Variants in PALLD observed in about 807,000 individuals in gnomAD.
The protein encoded by PALLD is palladin, cytoskeletal associated protein.
Under a neutral mutation model 123.5 loss-of-function variants are expected in PALLD, and 61 were observed. The ratio of observed to expected loss-of-function variants is 0.49; its 90% CI spans 0.40 to 0.61. PALLD has a LOEUF of 0.61. Ranked by LOEUF, PALLD falls within the 20% of genes least tolerant of loss-of-function variation. The pLI, the probability that PALLD is intolerant of heterozygous loss-of-function variation, is 0.00. For synonymous variants in PALLD, 465 were observed against 496.4 expected (o/e 0.94, Z 0.84); for missense variants, 1,273 against 1,377.0 (o/e 0.92, Z 1.20).
intron 2 of PALLD, among the ~76,000 whole-genome samples, chr4:168,605,861 T>C (rs1773110477): frequency 6.6e-6 from 1 of 152,248 alleles, no homozygotes; most frequent in African/African-American, 2.4e-5. Flanking sequence ...AATTCACTGC[T>C]TGTATTTTGG....
intron 2 of PALLD, among the ~76,000 whole-genome samples, chr4:168,595,889 T>C (rs1413049604): frequency 1.3e-5 from 2 of 151,360 alleles, no homozygotes; most frequent in Non-Finnish European, 2.9e-5. Context: ...AATTTACCCT[T>C]GTAACCAACC....
At chr4:168,714,792 A>C (rs1358886155) in intron 10 of PALLD, among the ~76,000 whole-genome samples, 1 of 152,156 alleles carries the variant, frequency 6.6e-6, no homozygotes, top group Admixed American at 6.5e-5. Flanking sequence ...TTACTCTCAC[A>C]ATGAATTAAT....
intron 3 of PALLD, among the ~76,000 whole-genome samples, chr4:168,675,089 G>A (rs1227861580): frequency 6.6e-6 from 1 of 152,194 alleles, no homozygotes; most frequent in Non-Finnish European, 1.5e-5. Context: ...GACATCTCAA[G>A]TTCCCACCAC....
intron 2 of PALLD, among the ~76,000 whole-genome samples, chr4:168,611,346 T>A (rs1176482084): frequency 6.6e-6 from 1 of 152,170 alleles, no homozygotes; most frequent in African/African-American, 2.4e-5. Flanking sequence ...CTCCTTGCTA[T>A]AAATCACTCT....
chr4:168,854,696 C>T (rs548571708), intron 10 of PALLD, among the ~76,000 whole-genome samples: 4 of 152,292 alleles, frequency 2.6e-5, no homozygotes, highest in African/African-American at 7.2e-5. Context: ...GCTCCCTGTT[C>T]TCTACTATAT....
intron 2 of PALLD, among the ~76,000 whole-genome samples, chr4:168,642,197 T>G (rs1320182817): frequency 6.6e-6 from 1 of 152,100 alleles, no homozygotes; most frequent in Non-Finnish European, 1.5e-5. Context: ...CTGGCTGGAT[T>G]CTCTTATGTG....
At chr4:168,725,522 C>CTTTTTTTTTTT (rs1210834634) in intron 10 of PALLD, among the ~76,000 whole-genome samples, 24 of 91,650 alleles carry the variant, frequency 2.6e-4, no homozygotes, top group Non-Finnish European at 3.5e-4. Context: ...TCTTTAATTT[C>CTTTTTTTTTTT]TTTTTTTTTT....
intron 17 of PALLD, among the ~76,000 whole-genome samples, chr4:168,917,049 GTT>G (rs1190179892): frequency 6.4e-5 from 8 of 124,876 alleles, no homozygotes; most frequent in Admixed American, 2.4e-4. Context: ...TTTTTTTGGG[GTT>G]TTTTTTTTTT....
chr4:168,576,109 A>G (rs1159824206), intron 2 of PALLD, among the ~76,000 whole-genome samples: 1 of 152,206 alleles, frequency 6.6e-6, no homozygotes, highest in Non-Finnish European at 1.5e-5. Context: ...TATATTTTTT[A>G]AAGTATCATT....
intron 8 of PALLD, among the ~76,000 whole-genome samples, chr4:168,696,534 G>A (rs1312902601): frequency 6.6e-6 from 1 of 151,936 alleles, no homozygotes; most frequent in Non-Finnish European, 1.5e-5. Flanking sequence ...TAGCATGAAT[G>A]ATATAGAAAA....
chr4:168,559,478 A>C (rs1374500784), intron 2 of PALLD, among the ~76,000 whole-genome samples: 2 of 152,238 alleles, frequency 1.3e-5, no homozygotes, highest in Non-Finnish European at 2.9e-5. Context: ...GAATTATATC[A>C]AAATTCAAAC....
At chr4:168,698,497 A>G (rs1218276455) in intron 8 of PALLD, among the ~76,000 whole-genome samples, 1 of 152,142 alleles carries the variant, frequency 6.6e-6, no homozygotes, top group East Asian at 1.9e-4. Flanking sequence ...CCCAGTAAAT[A>G]TATATACTTC....
intron 10 of PALLD, among the ~76,000 whole-genome samples, chr4:168,769,642 T>C (rs1561503166): frequency 6.6e-6 from 1 of 152,198 alleles, no homozygotes; most frequent in South Asian, 2.1e-4. Flanking sequence ...GGAAACCTTT[T>C]AAGTCTGCTT....
intron 3 of PALLD, among the ~76,000 whole-genome samples, chr4:168,674,696 G>A (rs866054273): frequency 3.3e-5 from 5 of 152,122 alleles, no homozygotes; most frequent in South Asian, 4.1e-4. Flanking sequence ...ATCTGAACAG[G>A]GTTAAAGATC....
In PALLD at chr4:168,607,786, A is replaced by G. The variant is rs536182985; in HGVS notation, c.909-60404A>G. The stretch of plus-strand genomic sequence containing the variant: ...TCTGGAAAAAAAAAAATTGGCTGCA[A>G]GGAAAAGAAAATCCACCTGAGCTAG... On this transcript the variant is annotated intron_variant, in intron 2 of 21. Transcript: ENST00000505667. Among the ~76,000 whole-genome samples the G allele has an allele frequency of 9.2e-5, 14 of 152,294 alleles. 1 individual carries two copies. In the South Asian group the frequency reaches 1.2e-3, roughly 14 times the overall value.
chr4:168,615,587 T>C lies in PALLD; in HGVS notation c.909-52603T>C, dbSNP rs117835079. Among the ~76,000 whole-genome samples the C allele has an allele frequency of 2.6e-5, 4 of 152,288 alleles. No individual in the cohort carries two copies. In the East Asian group the frequency reaches 7.7e-4, roughly 29 times the overall value. On this transcript the variant is annotated intron_variant, in intron 2 of 21. Transcript: ENST00000505667. The stretch of plus-strand genomic sequence containing the variant: ...GTTTTGTTTTCATACTCATTCTCTT[T>C]AGATAATCAAAAGCATGTGTCCCCA...
intron 10 of PALLD, among the ~76,000 whole-genome samples, chr4:168,796,086 C>T (rs1249114335): frequency 3.9e-5 from 6 of 152,108 alleles, no homozygotes; most frequent in African/African-American, 1.2e-4. Context: ...TTTAAATGTA[C>T]AATTAAGTTC....
At chr4:168,808,752 G>A (rs1451359640) in intron 10 of PALLD, among the ~76,000 whole-genome samples, 4 of 152,156 alleles carry the variant, frequency 2.6e-5, no homozygotes, top group East Asian at 1.9e-4. Flanking sequence ...CGATGGAAAC[G>A]AGTTTCCCCT....
At chr4:168,884,263 G>A (rs866756479) in intron 10 of PALLD, among the ~76,000 whole-genome samples, 4 of 152,082 alleles carry the variant, frequency 2.6e-5, no homozygotes, top group Non-Finnish European at 4.4e-5. Context: ...TCTGAATTAC[G>A]TTAGTCCAGT....
Sources: gnomAD v4.1 joint callset for allele counts (sites outside exome capture counted in the v4.1 genomes callset) on GRCh38, gnomAD v4.1.1 for gene constraint, MANE v1.5 for transcripts, NCBI Gene and HGNC (gene_info 2026-07-23, HGNC 2026-07-21) for gene names.